The following CELSR1 variants were observed in gnomAD, a reference collection of about 807,000 sequenced individuals.
CELSR1 encodes the protein adhesion G protein-coupled receptor C1.
In CELSR1, 110 loss-of-function variants were observed where a neutral mutation model predicts 249.1. The ratio of observed to expected loss-of-function variants is 0.44; its 90% CI spans 0.38 to 0.52. The LOEUF is 0.52. CELSR1 is among the 20% of genes least tolerant of loss of function. The pLI is 0.00. For synonymous variants in CELSR1, 2,113 were observed against 1,900.0 expected (o/e 1.11, Z -2.92); for missense variants, 4,109 against 4,296.4 (o/e 0.96, Z 1.22).
rs746510523 is a variant in CELSR1 at position 46,391,252 on chromosome 22, C to T, written c.6184G>A (p.Gly2062Ser). ...YNGCPKAFEA[G>S]IWWPQTKFGQ... is the part of the protein sequence containing the mutation. ...AACTTGGTCTGTGGCCACCAGATGC[C>T]GGCCTCAAATGCTTTGGGACAGCCA... The change falls in exon 16 of 35, where the codon GGC becomes AGC. Residue 2062 changes from glycine (G) to serine (S), a missense_variant. Gly to Ser is a moderately conservative substitution (Grantham distance 56, BLOSUM62 0). Transcript: ENST00000674500. The surrounding 1 kb of genome is among the most constrained non-coding windows in gnomAD (Gnocchi z 4.3). 8.7e-5 allele frequency: 140 copies of T among 1,613,636 alleles called. No individual in the cohort carries two copies. The highest frequency in any genetic ancestry group is 1.1e-4 in the Non-Finnish European group (134 of 1,180,014).
In CELSR1 at chr22:46,411,560, G is replaced by C. The variant is rs779285156; in HGVS notation, c.4769+42C>G. The C allele has an allele frequency of 2.5e-6, 4 of 1,610,388 alleles. No homozygotes were observed. Among genetic ancestry groups the C allele is most frequent in the African/African-American group, 2.7e-5 (2 of 74,882 alleles). ...GGAAGGCCGCAGGGTGAGCATGTTT[G>C]GGGGTACGGACCCCCAGGGCCTCCC... On this transcript the variant is annotated intron_variant, in intron 6 of 34. Coordinates refer to ENST00000674500, the MANE Select transcript of CELSR1 (RefSeq NM_001378328.1). The surrounding 1 kb of genome is among the most constrained non-coding windows in gnomAD (Gnocchi z 4.2).
chr22:46,397,602 T>A (rs2079163088), intron 12 of CELSR1, 72 bp downstream of exon 12: 3 of 1,332,372 alleles, frequency 2.3e-6, no homozygotes, highest in Non-Finnish European at 2.9e-6. Flanking sequence ...ATGTCTAAAC[T>A]GAGCCCCCCT....
rs2080862892 is a variant in CELSR1, at chr22:46,536,804, T to TTCCGCAGAGCCGGGCACGGGC, written c.346_366dup (p.Ala116_Gly122dup). On this transcript the variant is annotated inframe_insertion, in exon 1 of 35. Coordinates refer to ENST00000674500, the MANE Select transcript of CELSR1 (RefSeq NM_001378328.1). ...AGCGCCCCGCAGAGCCGGGCACCGG[T>TTCCGCAGAGCCGGGCACGGGC]TCCGCAGAGCCGGGCACGGGCTCCG... The TTCCGCAGAGCCGGGCACGGGC allele has an allele frequency of 2.5e-6, 3 of 1,196,394 alleles. No individual in the cohort carries two copies. Among genetic ancestry groups the TTCCGCAGAGCCGGGCACGGGC allele is most frequent in the Non-Finnish European group, 3.1e-6 (3 of 967,134 alleles). 74.1% of individuals were successfully genotyped at this position (1,196,394 alleles called of 1,614,324 possible).
intron 2 of CELSR1, among the ~76,000 whole-genome samples, chr22:46,444,033 C>T (rs1389906404): frequency 6.6e-6 from 1 of 152,242 alleles, no homozygotes; most frequent in Non-Finnish European, 1.5e-5. Flanking sequence ...CCCAGCCCTG[C>T]CCTTCCCACA....
At position 46,465,942 on chromosome 22, in the gene CELSR1, C is replaced by T. The variant is rs6008844; in HGVS notation, c.3545-1597G>A. 9.4e-3 allele frequency among the ~76,000 whole-genome samples: 1,434 copies of T among 152,340 alleles called. 23 individuals carry two copies. Among genetic ancestry groups the T allele is most frequent in the African/African-American group, 0.032 (1,337 of 41,584 alleles). On this transcript the variant is annotated intron_variant, in intron 1 of 34. Coordinates refer to ENST00000674500, the MANE Select transcript of CELSR1 (RefSeq NM_001378328.1). Reference sequence around the variant, plus strand: ...TGGGTGCTGTTGCTCTGCCAGGTGGCCTTCAGGACAGCGTGGCAAGTCAGG... The same window carrying T: ...TGGGTGCTGTTGCTCTGCCAGGTGGTCTTCAGGACAGCGTGGCAAGTCAGG...
At chr22:46,424,161 G>A (rs2079511861) in intron 5 of CELSR1, among the ~76,000 whole-genome samples, 1 of 151,956 alleles carries the variant, frequency 6.6e-6, no homozygotes, top group African/African-American at 2.4e-5. Context: ...CGACCTTCCA[G>A]GCCCAAGTAA....
intron 22 of CELSR1, among the ~76,000 whole-genome samples, chr22:46,379,510 G>A (rs2078954265): frequency 6.6e-6 from 1 of 152,244 alleles, no homozygotes; most frequent in Non-Finnish European, 1.5e-5. Flanking sequence ...GCAGATGAAT[G>A]CCCAAGACAG....
At chr22:46,397,314 G>C (rs1459633408) in intron 12 of CELSR1, among the ~76,000 whole-genome samples, 1 of 134,762 alleles carries the variant, frequency 7.4e-6, no homozygotes, top group African/African-American at 3.1e-5. Context: ...TAGAGATGGG[G>C]TTTCACCATG....
chr22:46,388,775 C>T lies in CELSR1; in HGVS notation c.6555+515G>A, dbSNP rs185400480. 2.0e-5 allele frequency among the ~76,000 whole-genome samples: 3 copies of T among 152,236 alleles called. No individual in the cohort carries two copies. In the East Asian group the frequency reaches 5.8e-4, roughly 29 times the overall value. ...ATACTGCTCAGGGGATGACAACTTCCACACACACAGCCAGAGGGTTGAGGC... is the reference window on the plus strand; with the variant it reads ...ATACTGCTCAGGGGATGACAACTTCTACACACACAGCCAGAGGGTTGAGGC... On this transcript the variant is annotated intron_variant, in intron 18 of 34. Coordinates refer to ENST00000674500, the MANE Select transcript of CELSR1 (RefSeq NM_001378328.1).
rs751763672 is a variant in CELSR1 at position 46,364,574 on chromosome 22, G to A, written c.8717C>T (p.Pro2906Leu). The change falls in exon 33 of 35, where the codon CCG becomes CTG. Residue 2906 changes from proline (P) to leucine (L), a missense_variant. By Grantham distance (98) the Pro-to-Leu change is moderately conservative. This residue lies in a region of CELSR1 where 1,805 missense variants were observed against 1,831.6 expected (regional missense o/e 0.99). Transcript: ENST00000674500. Reference sequence around the variant, plus strand: ...GGCTGCGCCCCCGCTCTCCTGGTCCGGGGGGTACTCTCCACGGTGACTGCC... The same window carrying A: ...GGCTGCGCCCCCGCTCTCCTGGTCCAGGGGGTACTCTCCACGGTGACTGCC... Reference protein sequence around the residue: ...EQGSHRGEYPPDQESGGAARL... With the variant: ...EQGSHRGEYPLDQESGGAARL... The A allele has an allele frequency of 2.7e-5, 44 of 1,612,160 alleles. No homozygotes were observed. The highest frequency in any genetic ancestry group is 4.5e-5 in the East Asian group (2 of 44,888).
chr22:46,447,897 G>A lies in CELSR1; in HGVS notation c.4184-8486C>T, dbSNP rs1602149534. Among the ~76,000 whole-genome samples, 3 of 152,332 alleles carry A rather than the reference G, an allele frequency of 2.0e-5. No homozygotes were observed. In the East Asian group the frequency reaches 5.8e-4, roughly 29 times the overall value. Reference sequence around the variant, plus strand: ...AGCCTCCCAAAGTGCTGGGATTACAGGTGCGAGCCACCACACCCGGCCAGA... The same window carrying A: ...AGCCTCCCAAAGTGCTGGGATTACAAGTGCGAGCCACCACACCCGGCCAGA... On this transcript the variant is annotated intron_variant, in intron 2 of 34. Transcript: ENST00000674500. The surrounding 1 kb of genome is among the most constrained non-coding windows in gnomAD (Gnocchi z 4.7).
Position 46,415,321 on chromosome 22 carries a change from T to C in CELSR1, c.4612-3562A>G, listed in dbSNP as rs145866664. On this transcript the variant is annotated intron_variant, in intron 5 of 34. Transcript: ENST00000674500. ...CCCATCACCACACCTGGCTAATTTT[T>C]GTATTTTTAGTAGAGATGGGGTTTC... Among the ~76,000 whole-genome samples the C allele has an allele frequency of 6.2e-4, 94 of 152,226 alleles. No individual in the cohort carries two copies. In the East Asian group the frequency reaches 0.016, roughly 26 times the overall value.
chr22:46,451,964 T>C (rs554640511), intron 2 of CELSR1, among the ~76,000 whole-genome samples: 1 of 152,134 alleles, frequency 6.6e-6, no homozygotes, highest in African/African-American at 2.4e-5. Context: ...AGGCAGAGCC[T>C]GGAGCCAGGC....
rs546811287 is a variant in CELSR1, at chr22:46,509,894, G to A, written c.3544+23733C>T. Among the ~76,000 whole-genome samples, 9 of 152,328 alleles carry A rather than the reference G, an allele frequency of 5.9e-5. No individual in the cohort carries two copies. The South Asian group carries it at 1.7e-3, about 28-fold the overall frequency. ...GTCCTTCTCCAAGATGTCATGATGC[G>A]TCCAGTGAGGAACGAAAGACACGAA... On this transcript the variant is annotated intron_variant, in intron 1 of 34. Coordinates refer to ENST00000674500, the MANE Select transcript of CELSR1 (RefSeq NM_001378328.1).
intron 1 of CELSR1, among the ~76,000 whole-genome samples, chr22:46,505,261 C>CAAAAAAAAA (rs3081585): frequency 1.6e-5 from 1 of 62,546 alleles, no homozygotes; most frequent in African/African-American, 6.9e-5. Context: ...GACTCTGTCT[C>CAAAAAAAAA]AAAAAAAAAA....
At position 46,491,637 on chromosome 22, in the gene CELSR1, C is replaced by CTCTT. The variant is rs56342032; in HGVS notation, c.3545-27293_3545-27292insAAGA. Among the ~76,000 whole-genome samples the CTCTT allele has an allele frequency of 5.7e-3, 780 of 136,242 alleles. 8 individuals carry two copies. The highest frequency in any genetic ancestry group is 0.018 in the South Asian group (73 of 3,954). 89.4% of individuals were successfully genotyped at this position (136,242 alleles called of 152,430 possible). A position where few individuals can be genotyped will look rare whatever the true frequency, so the allele number is the denominator to read the frequency against. ...AACATAGTCTCTATTCTCTCTCTCT[C>CTCTT]TTTTTTTTTTTTTTTTAGACAGGGT... On this transcript the variant is annotated intron_variant, in intron 1 of 34. Transcript: ENST00000674500.
At chr22:46,421,905 C>T (rs1034630189) in intron 5 of CELSR1, among the ~76,000 whole-genome samples, 1 of 152,214 alleles carries the variant, frequency 6.6e-6, no homozygotes, top group African/African-American at 2.4e-5. Flanking sequence ...TGGGGAGCAT[C>T]CCCATCCCCT....
At chr22:46,439,921 C>T (rs1237894817) in intron 2 of CELSR1, among the ~76,000 whole-genome samples, 3 of 151,122 alleles carry the variant, frequency 2.0e-5, no homozygotes, top group African/African-American at 7.4e-5. Context: ...CCCTGACTGC[C>T]GTCCGCCCTC....
At chr22:46,461,565 C>T (rs1303208160) in intron 2 of CELSR1, among the ~76,000 whole-genome samples, 1 of 152,236 alleles carries the variant, frequency 6.6e-6, no homozygotes, top group Non-Finnish European at 1.5e-5. Flanking sequence ...GGGCTCCTGA[C>T]TCATCTGACA....
Sources: allele counts gnomAD v4.1 joint callset (sites outside exome capture counted in the v4.1 genomes callset), GRCh38; gene constraint gnomAD v4.1.1; regional missense constraint gnomAD v4.1.1; non-coding constraint Gnocchi (gnomAD v3.1); transcripts MANE v1.5; gene names NCBI Gene and HGNC (gene_info 2026-07-23, HGNC 2026-07-21).